PTPRS: variants seen among roughly 807,000 people sequenced by gnomAD.
The protein encoded by PTPRS is receptor-type tyrosine-protein phosphatase S.
A neutral mutation model predicts 215.3 loss-of-function variants in PTPRS; 63 were observed. That is an observed-to-expected ratio of 0.29 (90% CI 0.24 to 0.36). The LOEUF is 0.36. PTPRS is among the 10% of genes least tolerant of loss of function. The pLI is 1.00. For synonymous variants in PTPRS, 1,404 were observed against 1,191.4 expected (o/e 1.18, Z -3.68); for missense variants, 2,258 against 2,825.8 (o/e 0.80, Z 4.56).
intron 1 of PTPRS, among the ~76,000 whole-genome samples, chr19:5,289,519 A>G (rs1471561600): frequency 1.3e-5 from 2 of 152,026 alleles, no homozygotes; most frequent in African/African-American, 4.8e-5. Context: ...TCAAAGCCCA[A>G]GTCCTTCCTG....
intron 1 of PTPRS, among the ~76,000 whole-genome samples, chr19:5,289,678 T>C (rs1346097477): frequency 6.6e-6 from 1 of 152,208 alleles, no homozygotes; most frequent in Non-Finnish European, 1.5e-5. Flanking sequence ...CCCCGGGCCT[T>C]TGCGTGGGCC....
chr19:5,213,207 G>A (rs1346259539), intron 30 of PTPRS, among the ~76,000 whole-genome samples: 1 of 152,196 alleles, frequency 6.6e-6, no homozygotes, highest in Non-Finnish European at 1.5e-5. Flanking sequence ...CGCAGACCTT[G>A]GCTCCCACCC....
chr19:5,270,556 T>C (rs1816301043), intron 4 of PTPRS, among the ~76,000 whole-genome samples: 2 of 152,190 alleles, frequency 1.3e-5, no homozygotes, highest in Admixed American at 1.3e-4. Flanking sequence ...GTGATCCTCT[T>C]GACTTGGCCT....
At chr19:5,305,728 CTG>C (rs1465486023) in intron 1 of PTPRS, among the ~76,000 whole-genome samples, 3 of 119,900 alleles carry the variant, frequency 2.5e-5, no homozygotes, top group South Asian at 2.5e-4. Context: ...GACCCCGTCT[CTG>C]AAAAATAAAT....
chr19:5,292,266 A>G (rs2048883336), intron 1 of PTPRS, among the ~76,000 whole-genome samples: 1 of 152,162 alleles, frequency 6.6e-6, no homozygotes, highest in South Asian at 2.1e-4. Flanking sequence ...TGGGTTTCAG[A>G]GGTAGAAACT....
intron 9 of PTPRS, among the ~76,000 whole-genome samples, chr19:5,251,969 T>A (rs1031632371): frequency 7.5e-6 from 1 of 134,008 alleles, no homozygotes; most frequent in Non-Finnish European, 1.6e-5. Context: ...TCTGTCCCTG[T>A]TTTGGGGGGC....
chr19:5,336,747 C>T (rs1798121499), intron 1 of PTPRS, among the ~76,000 whole-genome samples: 1 of 151,520 alleles, frequency 6.6e-6, no homozygotes. Context: ...TCCTCCTGTC[C>T]CCACCGGAGG....
chr19:5,323,511 A>G (rs2050086948), intron 1 of PTPRS, among the ~76,000 whole-genome samples: 1 of 152,222 alleles, frequency 6.6e-6, no homozygotes, highest in South Asian at 2.1e-4. Flanking sequence ...GTGACCTGAG[A>G]CGTGAAGGAA....
intron 31 of PTPRS, 43 bp from the exon 32 acceptor site, chr19:5,212,293 G>T (rs374883303): frequency 6.2e-7 from 1 of 1,608,988 alleles, no homozygotes. Flanking sequence ...GCTGGGCTGC[G>T]GGGACCGGGG....
chr19:5,228,589 C>G (rs1350010287), intron 16 of PTPRS, among the ~76,000 whole-genome samples: 1 of 152,144 alleles, frequency 6.6e-6, no homozygotes, highest in Non-Finnish European at 1.5e-5. Flanking sequence ...GGTGAGCCAC[C>G]TGCCTCAACC....
At chr19:5,288,900 T>C (rs2048582346) in intron 1 of PTPRS, among the ~76,000 whole-genome samples, 3 of 152,310 alleles carry the variant, frequency 2.0e-5, no homozygotes, top group Admixed American at 2.0e-4. Flanking sequence ...ACCTCCCTGA[T>C]GTCTGCGCAG....
At chr19:5,222,503 G>T (rs572226600) in intron 18 of PTPRS, among the ~76,000 whole-genome samples, 186 bp downstream of exon 18, 5 of 151,990 alleles carry the variant, frequency 3.3e-5, no homozygotes, top group Admixed American at 6.5e-5. Flanking sequence ...GGTGGGGGGC[G>T]GTGGTGCCAC....
At position 5,295,384 on chromosome 19, in the gene PTPRS, C is replaced by T. The variant is rs2049105317; in HGVS notation, c.-94-9150G>A. Among the ~76,000 whole-genome samples the T allele has an allele frequency of 6.6e-6, 1 of 152,218 alleles. No individual in the cohort carries two copies. The highest frequency in any genetic ancestry group is 1.5e-5 in the Non-Finnish European group (1 of 68,040). Reference sequence around the variant, plus strand: ...TTGTCCATGTCTCTGTGGAGGCAGACTCTTGCCCCTATTCCACAGTGGTGA... The same window carrying T: ...TTGTCCATGTCTCTGTGGAGGCAGATTCTTGCCCCTATTCCACAGTGGTGA... On this transcript the variant is annotated intron_variant, in intron 1 of 37. Coordinates refer to ENST00000262963, the MANE Select transcript of PTPRS (RefSeq NM_002850.4). The surrounding 1 kb of genome is among the most constrained non-coding windows in gnomAD (Gnocchi z 4.6).
At chr19:5,215,921 C>T (rs1258160413) in intron 26 of PTPRS, among the ~76,000 whole-genome samples, 1 of 152,142 alleles carries the variant, frequency 6.6e-6, no homozygotes, top group Non-Finnish European at 1.5e-5. Flanking sequence ...GCAGAAGGGT[C>T]ACCCCAGAGG....
intron 28 of PTPRS, among the ~76,000 whole-genome samples, chr19:5,215,023 A>G (rs1044248820): frequency 3.5e-4 from 54 of 152,388 alleles, no homozygotes; most frequent in African/African-American, 1.2e-3. Flanking sequence ...GTGACAACCA[A>G]AGATGTCCCT....
chr19:5,290,436 C>A (rs964747104), intron 1 of PTPRS, among the ~76,000 whole-genome samples: 7 of 152,198 alleles, frequency 4.6e-5, no homozygotes, highest in African/African-American at 1.4e-4. Flanking sequence ...TAATGGGGGG[C>A]GAGTGGGCAC....
At chr19:5,213,715 T>TAG (rs2041148423) in intron 30 of PTPRS, among the ~76,000 whole-genome samples, 5 of 152,168 alleles carry the variant, frequency 3.3e-5, no homozygotes, top group Non-Finnish European at 7.3e-5. Flanking sequence ...TGTACTCAGT[T>TAG]TTCTGGCACT....
rs775558180 is a variant in PTPRS, at chr19:5,220,146, C to T, written c.3558G>A (p.Gln1186=). 5.6e-6 allele frequency: 9 copies of T among 1,610,870 alleles called. No individual in the cohort carries two copies. In the Admixed American group the frequency reaches 1.5e-4, roughly 27 times the overall value. Reference sequence around the variant, plus strand: ...TGCGCCTCTGTAGCCGTGAGATGTCCTGGATGAGCTGCGGGAACAGAGTCA... The same window carrying T: ...TGCGCCTCTGTAGCCGTGAGATGTCTTGGATGAGCTGCGGGAACAGAGTCA... ...PEDMDLEELI[Q]DISRLQRRSL... The change falls in exon 22 of 38, where the codon CAG becomes CAA. Residue 1186 remains glutamine, a synonymous_variant. Transcript: ENST00000262963.
At chr19:5,280,444 C>T (rs774235344) in intron 2 of PTPRS, among the ~76,000 whole-genome samples, 3 of 152,190 alleles carry the variant, frequency 2.0e-5, no homozygotes, top group East Asian at 1.9e-4. Flanking sequence ...CCTGGCCGGG[C>T]GTGGTGGCTC....
Sources: allele counts gnomAD v4.1 joint callset (sites outside exome capture counted in the v4.1 genomes callset), GRCh38; gene constraint gnomAD v4.1.1; non-coding constraint Gnocchi (gnomAD v3.1); transcripts MANE v1.5; gene names NCBI Gene and HGNC (gene_info 2026-07-23, HGNC 2026-07-21).